ESRRG: variants seen among roughly 807,000 people sequenced by gnomAD.
ESRRG encodes estrogen related receptor gamma.
Under a neutral mutation model 44.0 loss-of-function variants are expected in ESRRG, and 13 were observed. That is an observed-to-expected ratio of 0.30 (90% confidence interval 0.19 to 0.47). The LOEUF is 0.47. Among genes scored for constraint, ESRRG ranks in the 20% least tolerant of loss-of-function variants. The probability of loss-of-function intolerance (pLI) is 1.00; values close to 1 mark genes in which losing one functional copy is unlikely to be tolerated. For missense variants in ESRRG, 395 were observed against 580.6 expected, an observed-to-expected ratio of 0.68 and a Z score of 3.29; for synonymous variants, 215 against 214.6, an observed-to-expected ratio of 1.00 and a Z score of -0.02.
At chr1:216,960,338 C>T (rs182676212) in intron 1 of ESRRG, among the ~76,000 whole-genome samples, 1 of 152,256 alleles carries the variant, frequency 6.6e-6, no homozygotes, top group Admixed American at 6.5e-5. Flanking sequence ...TCAAAGCTAC[C>T]TGTGGACCCT....
intron 2 of ESRRG, among the ~76,000 whole-genome samples, chr1:216,904,971 C>T (rs144377958): frequency 2.6e-5 from 4 of 152,286 alleles, no homozygotes; most frequent in African/African-American, 9.6e-5. Flanking sequence ...TACCATCCAA[C>T]ACAAAATAGC....
chr1:216,629,965 C>T (rs370632494), intron 3 of ESRRG, among the ~76,000 whole-genome samples: 1 of 152,074 alleles, frequency 6.6e-6, no homozygotes, highest in African/African-American at 2.4e-5. Context: ...AGAAAAAGGG[C>T]CACATATACA....
At chr1:217,062,402 A>C (rs1007207078) in intron 1 of ESRRG, among the ~76,000 whole-genome samples, 1 of 152,164 alleles carries the variant, frequency 6.6e-6, no homozygotes, top group African/African-American at 2.4e-5. Context: ...AGCAGGACAC[A>C]TTTTGGTGTC....
At chr1:216,541,001 T>C (rs1412959774) in intron 5 of ESRRG, among the ~76,000 whole-genome samples, 2 of 152,014 alleles carry the variant, frequency 1.3e-5, no homozygotes, top group Non-Finnish European at 2.9e-5. Flanking sequence ...GGGATTCTCT[T>C]TTGAGGCAGG....
chr1:216,817,809 C>T (rs145813319), intron 2 of ESRRG, among the ~76,000 whole-genome samples: 6 of 152,254 alleles, frequency 3.9e-5, no homozygotes, highest in South Asian at 2.1e-4. Context: ...CTGCCTACTA[C>T]GGCAAAGCCA....
chr1:216,641,738 C>T (rs1218717191), intron 3 of ESRRG, among the ~76,000 whole-genome samples: 3 of 152,208 alleles, frequency 2.0e-5, no homozygotes, highest in East Asian at 3.8e-4. Flanking sequence ...TTCAGTACTA[C>T]TGATGTTTAT....
chr1:216,869,199 TA>T (rs1248634517), intron 2 of ESRRG, among the ~76,000 whole-genome samples: 4 of 152,208 alleles, frequency 2.6e-5, no homozygotes, highest in Non-Finnish European at 4.4e-5. Context: ...TTTTATGTTT[TA>T]CATCTAGATT....
intron 1 of ESRRG, among the ~76,000 whole-genome samples, chr1:216,990,743 G>GTA (rs373654151): frequency 6.7e-4 from 102 of 152,198 alleles, no homozygotes; most frequent in African/African-American, 2.4e-3. Context: ...TAAGGATACA[G>GTA]TATATAACAC....
chr1:216,579,689 C>T (rs921524762), intron 3 of ESRRG, among the ~76,000 whole-genome samples: 35 of 152,058 alleles, frequency 2.3e-4, no homozygotes, highest in African/African-American at 8.0e-4. Flanking sequence ...GGGCAATTGC[C>T]AGTCTAGTCA....
At chr1:217,038,652 C>A (rs926088731) in intron 1 of ESRRG, among the ~76,000 whole-genome samples, 2 of 152,166 alleles carry the variant, frequency 1.3e-5, no homozygotes, top group African/African-American at 4.8e-5. Context: ...TAGGCTCAGG[C>A]CAGGAAGCCA....
chr1:216,715,237 G>T (rs2084589826), intron 1 of ESRRG: 3 of 985,308 alleles, frequency 3.0e-6, no homozygotes, highest in Non-Finnish European at 3.6e-6. Flanking sequence ...GATGAGGCAG[G>T]TCTCATTCAA....
chr1:216,632,112 A>G (rs2064326046), intron 3 of ESRRG, among the ~76,000 whole-genome samples: 1 of 152,268 alleles, frequency 6.6e-6, no homozygotes, highest in African/African-American at 2.4e-5. Flanking sequence ...TACTCTATCC[A>G]GTGTACTACT....
chr1:217,053,623 G>A (rs975459953), intron 1 of ESRRG, among the ~76,000 whole-genome samples: 4 of 152,146 alleles, frequency 2.6e-5, no homozygotes, highest in African/African-American at 7.2e-5. Context: ...ACAAAAAATT[G>A]CATGTTACCA....
chr1:217,066,788 C>G (rs2089787994), intron 1 of ESRRG, among the ~76,000 whole-genome samples: 1 of 152,158 alleles, frequency 6.6e-6, no homozygotes. Flanking sequence ...CTCTTCCAGT[C>G]TTAATAATCC....
chr1:216,641,225 A>C (rs1425793914), intron 3 of ESRRG, among the ~76,000 whole-genome samples: 3 of 152,308 alleles, frequency 2.0e-5, no homozygotes, highest in Admixed American at 6.5e-5. Context: ...TTCAGCTGAA[A>C]TAATCTGTAG....
At chr1:217,023,287 C>T (rs990708420) in intron 1 of ESRRG, among the ~76,000 whole-genome samples, 5 of 152,222 alleles carry the variant, frequency 3.3e-5, no homozygotes, top group African/African-American at 9.6e-5. Context: ...CAATAAGGCC[C>T]ATCTGGAGGG....
intron 1 of ESRRG, among the ~76,000 whole-genome samples, chr1:217,043,185 G>A (rs139476362): frequency 1.2e-3 from 181 of 152,190 alleles, no homozygotes; most frequent in Middle Eastern, 0.01. Context: ...ACTCAGCAAA[G>A]AAGACAAACT....
chr1:216,809,325 T>TAACAA, intron 2 of ESRRG, among the ~76,000 whole-genome samples: 1 of 119,118 alleles, frequency 8.4e-6, no homozygotes, highest in East Asian at 2.5e-4. Flanking sequence ...TTTTTTACAG[T>TAACAA]AAAAAAAAAA....
chr1:217,007,430 A>G (rs1043771485), intron 1 of ESRRG, among the ~76,000 whole-genome samples: 2 of 152,214 alleles, frequency 1.3e-5, no homozygotes, highest in Non-Finnish European at 2.9e-5. Flanking sequence ...TGACATTTTC[A>G]TAACAAACTT....
Sources: allele counts gnomAD v4.1 joint callset (sites outside exome capture counted in the v4.1 genomes callset), GRCh38; gene constraint gnomAD v4.1.1; transcripts MANE v1.5; gene names NCBI Gene and HGNC (gene_info 2026-07-23, HGNC 2026-07-21).